The following THSD4 variants were observed in gnomAD, a reference collection of about 807,000 sequenced individuals.
The protein encoded by THSD4 is thrombospondin type-1 domain-containing protein 4.
In THSD4, 69 loss-of-function variants were observed where a neutral mutation model predicts 119.0. The observed-to-expected ratio is 0.58, with a 90% CI of 0.48 to 0.71. The LOEUF is 0.71. THSD4 is among the 30% of genes least tolerant of loss of function. The probability of loss-of-function intolerance (pLI) is 0.00; values close to 1 mark genes in which losing one functional copy is unlikely to be tolerated. For missense variants in THSD4, 1,393 were observed against 1,391.1 expected (o/e 1.00, Z -0.02); for synonymous variants, 524 against 540.4 (o/e 0.97, Z 0.42).
chr15:71,208,821 G>A (rs928658725), intron 3 of THSD4, among the ~76,000 whole-genome samples: 2 of 152,050 alleles, frequency 1.3e-5, no homozygotes, highest in African/African-American at 4.8e-5. Flanking sequence ...TCTGGATGTC[G>A]TTTCTGTTTC....
At chr15:71,655,273 T>C (rs2051167379) in intron 7 of THSD4, among the ~76,000 whole-genome samples, 1 of 152,214 alleles carries the variant, frequency 6.6e-6, no homozygotes, top group Non-Finnish European at 1.5e-5. Flanking sequence ...AGGTACCGTT[T>C]GAGCAGTGAG....
chr15:71,731,460 C>G, intron 10 of THSD4: 1 of 505,282 alleles, frequency 2.0e-6, no homozygotes, highest in South Asian at 2.2e-5. Flanking sequence ...GTCTGCCCTG[C>G]CAGTTCAACA....
chr15:71,472,906 ACT>A (rs1234955288), intron 7 of THSD4, among the ~76,000 whole-genome samples: 1 of 152,030 alleles, frequency 6.6e-6, no homozygotes, highest in Non-Finnish European at 1.5e-5. Context: ...GTTTTATGTA[ACT>A]CTGGCACGGA....
chr15:71,574,742 A>G (rs2049417663), intron 7 of THSD4, among the ~76,000 whole-genome samples: 1 of 152,152 alleles, frequency 6.6e-6, no homozygotes, highest in South Asian at 2.1e-4. Context: ...CTTATATCTC[A>G]TACATGACCG....
At chr15:71,200,756 T>C (rs1048542666) in intron 3 of THSD4, among the ~76,000 whole-genome samples, 1 of 152,148 alleles carries the variant, frequency 6.6e-6, no homozygotes, top group Non-Finnish European at 1.5e-5. Context: ...TTATAATCAA[T>C]AAAGTATACA....
intron 7 of THSD4, among the ~76,000 whole-genome samples, chr15:71,457,777 C>T (rs1002393985): frequency 2.0e-5 from 3 of 152,198 alleles, no homozygotes; most frequent in African/African-American, 7.2e-5. Flanking sequence ...CTCACACTGC[C>T]TGATTTTTCC....
intron 4 of THSD4, among the ~76,000 whole-genome samples, chr15:71,235,962 CGGGCA>C (rs1238906699): frequency 6.6e-6 from 1 of 152,136 alleles, no homozygotes; most frequent in Non-Finnish European, 1.5e-5. Context: ...ACTTTCCACG[CGGGCA>C]GGGGTGGTCA....
intron 7 of THSD4, among the ~76,000 whole-genome samples, chr15:71,503,647 A>G (rs1467325763): frequency 3.3e-5 from 5 of 152,090 alleles, no homozygotes; most frequent in East Asian, 3.9e-4. Flanking sequence ...TGCCTTCCAC[A>G]TACTCAGGGA....
At chr15:71,375,203 A>G (rs770634154) in intron 6 of THSD4, among the ~76,000 whole-genome samples, 2 of 152,204 alleles carry the variant, frequency 1.3e-5, no homozygotes, top group Admixed American at 1.3e-4. Context: ...TCATCCAAGT[A>G]TGTTACAGTT....
Position 71,264,741 on chromosome 15 carries a change from G to A in THSD4, c.1015+8026G>A, listed in dbSNP as rs546336298. The stretch of plus-strand genomic sequence containing the variant: ...GAGTATGTTACATTAAGGAAGCAGG[G>A]GAAAGAGTCTCAGCCATTAAAGGAC... On this transcript the variant is annotated intron_variant, in intron 6 of 17. Transcript: ENST00000261862. Among the ~76,000 whole-genome samples, 3 of 152,204 alleles carry A rather than the reference G, an allele frequency of 2.0e-5. No individual in the cohort carries two copies. The South Asian group carries it at 6.2e-4, about 32-fold the overall frequency.
At chr15:71,442,649 T>G (rs2047119297) in intron 7 of THSD4, among the ~76,000 whole-genome samples, 1 of 27,908 alleles carries the variant, frequency 3.6e-5, no homozygotes, top group Non-Finnish European at 1.0e-4. Context: ...TGTATATGTG[T>G]GTGTGTGTGT....
chr15:71,564,795 CAATATATAT>C (rs1567039354), intron 7 of THSD4, among the ~76,000 whole-genome samples: 4 of 132,636 alleles, frequency 3.0e-5, no homozygotes, highest in African/African-American at 5.7e-5. Context: ...ACATATAATA[CAATATATAT>C]TGTATATTAT....
intron 6 of THSD4, among the ~76,000 whole-genome samples, chr15:71,329,059 T>TG (rs2045386627): frequency 6.6e-6 from 1 of 152,230 alleles, no homozygotes; most frequent in Admixed American, 6.5e-5. Context: ...CCAGGGCATC[T>TG]GAGAAATACC....
intron 6 of THSD4, among the ~76,000 whole-genome samples, chr15:71,283,119 G>GC (rs1236057967): frequency 1.3e-5 from 2 of 152,024 alleles, no homozygotes; most frequent in African/African-American, 4.8e-5. Flanking sequence ...ACAGGCGCGT[G>GC]CCACCACACC....
chr15:71,660,724 C>A lies in THSD4; in HGVS notation c.1347C>A (p.Asn449Lys), dbSNP rs1258507347. The A allele has an allele frequency of 1.9e-6, 3 of 1,614,090 alleles. No individual in the cohort carries two copies. The South Asian group carries it at 3.3e-5, about 18-fold the overall frequency. The change falls in exon 8 of 18, where the codon AAC becomes AAA. Residue 449 changes from asparagine (N) to lysine (K), a missense_variant. Transcript: ENST00000261862. ...KINITEMYKSNNYLALRSRSG... is the reference protein window; with the variant it reads ...KINITEMYKSKNYLALRSRSG... ...ACATCACGGAGATGTACAAGAGCAA[C>A]AACTATTTGGGTAAGCTTGGTCTTT...
chr15:71,634,807 G>T (rs1180394851), intron 7 of THSD4, among the ~76,000 whole-genome samples: 3 of 152,188 alleles, frequency 2.0e-5, no homozygotes, highest in Admixed American at 6.5e-5. Context: ...TACCTATGTG[G>T]AGTCACTCAT....
At chr15:71,568,568 C>CTTTTTT in intron 7 of THSD4, among the ~76,000 whole-genome samples, 1 of 137,890 alleles carries the variant, frequency 7.3e-6, no homozygotes, top group Admixed American at 7.4e-5. Context: ...CTCTTTTTCT[C>CTTTTTT]TTTTTTTTTT....
chr15:71,367,211 G>C (rs2045976659), intron 6 of THSD4, among the ~76,000 whole-genome samples: 2 of 139,128 alleles, frequency 1.4e-5, no homozygotes, highest in Non-Finnish European at 3.1e-5. Flanking sequence ...CCTCATGCTA[G>C]GCTCTCTTTT....
At chr15:71,390,619 G>A (rs2046363944) in intron 6 of THSD4, among the ~76,000 whole-genome samples, 1 of 151,964 alleles carries the variant, frequency 6.6e-6, no homozygotes, top group Non-Finnish European at 1.5e-5. Flanking sequence ...TTAAACTCGT[G>A]TCTGCATTTG....
Sources: gnomAD v4.1 joint callset for allele counts (sites outside exome capture counted in the v4.1 genomes callset) on GRCh38, gnomAD v4.1.1 for gene constraint, MANE v1.5 for transcripts, NCBI Gene and HGNC (gene_info 2026-07-23, HGNC 2026-07-21) for gene names.